VWA8: variants seen among roughly 807,000 people sequenced by gnomAD.
The protein encoded by VWA8 is von Willebrand factor A domain containing 8, also known as von Willebrand factor A domain-containing protein 8.
VWA8 carries 221 observed loss-of-function variants against 241.5 expected under a neutral mutation model. That is an observed-to-expected ratio of 0.91 (90% CI 0.82 to 1.02). The LOEUF is 1.02. Ranked by LOEUF, VWA8 falls within the 50% of genes least tolerant of loss-of-function variation. The pLI is 0.00. For missense variants in VWA8, 2,322 were observed against 2,328.7 expected (o/e 1.00, Z 0.06); for synonymous variants, 852 against 827.1 (o/e 1.03, Z -0.52).
intron 37 of VWA8, among the ~76,000 whole-genome samples, chr13:41,638,979 G>A (rs1212051786): frequency 6.6e-6 from 1 of 152,168 alleles, no homozygotes; most frequent in African/African-American, 2.4e-5. Flanking sequence ...TGGTACAGCT[G>A]CAGATGGGCT....
intron 2 of VWA8, among the ~76,000 whole-genome samples, chr13:41,928,927 C>G (rs1486440528): frequency 6.6e-6 from 1 of 151,440 alleles, no homozygotes; most frequent in Non-Finnish European, 1.5e-5. Flanking sequence ...ATAAGGGACA[C>G]AAATAAATGG....
intron 4 of VWA8, among the ~76,000 whole-genome samples, chr13:41,904,510 G>C (rs1041546133): frequency 6.6e-6 from 1 of 152,032 alleles, no homozygotes; most frequent in African/African-American, 2.4e-5. Flanking sequence ...TCTGAGTATA[G>C]AAAAGAGGCA....
In VWA8 at chr13:41,875,817, C is replaced by T. The variant is rs1873871444; in HGVS notation, c.1081-7340G>A. On this transcript the variant is annotated intron_variant, in intron 9 of 44. Transcript: ENST00000379310. ...TACAAACCATCATGACCCCGATTTT[C>T]TCTCTCCAGTACAGATCTCTCTCCT... 2.0e-5 allele frequency among the ~76,000 whole-genome samples: 3 copies of T among 151,502 alleles called. No homozygotes were observed. In the South Asian group the frequency reaches 6.2e-4, roughly 31 times the overall value.
At chr13:41,895,396 C>G (rs1014551130) in intron 4 of VWA8, among the ~76,000 whole-genome samples, 1 of 152,130 alleles carries the variant, frequency 6.6e-6, no homozygotes, top group African/African-American at 2.4e-5. Context: ...CTAGTAATCT[C>G]AGAGAGTCTG....
Position 41,673,517 on chromosome 13 carries a change from A to C in VWA8, c.4409+1698T>G, listed in dbSNP as rs529839088. Among the ~76,000 whole-genome samples, 53 of 152,330 alleles carry C rather than the reference A, an allele frequency of 3.5e-4. 1 individual carries two copies. The South Asian group carries it at 0.011, about 31-fold the overall frequency. Reference sequence around the variant, plus strand: ...CAATGAAACAGACTCTTGACACTTGAAATGTGGCAAGTCCAAATGGAGATG... The same window carrying C: ...CAATGAAACAGACTCTTGACACTTGCAATGTGGCAAGTCCAAATGGAGATG... On this transcript the variant is annotated intron_variant, in intron 36 of 44. Transcript: ENST00000379310.
At chr13:41,575,336 C>T (rs1018606662) in intron 43 of VWA8, among the ~76,000 whole-genome samples, 4 of 151,952 alleles carry the variant, frequency 2.6e-5, no homozygotes, top group Non-Finnish European at 4.4e-5. Flanking sequence ...GTGATGGGTA[C>T]ACTATCTCAA....
At chr13:41,716,249 A>G (rs1292207708) in intron 26 of VWA8, among the ~76,000 whole-genome samples, 1 of 152,056 alleles carries the variant, frequency 6.6e-6, no homozygotes, top group Non-Finnish European at 1.5e-5. Flanking sequence ...TAACCACCCA[A>G]TAAGACTCAG....
chr13:41,675,241 C>G lies in VWA8; in HGVS notation c.4383G>C (p.Lys1461Asn). Residue 1461 changes from lysine to asparagine, a missense_variant, in exon 36 of 45, where the codon AAG becomes AAC. Transcript: ENST00000379310. ...GYIEVTDLQS[K>N]KLRYIPIPRS... Reference sequence around the variant, plus strand: ...TGGGAATAGGGATATATCGGAGTTTCTTTGATTGAAGATCAGTGACTTCTA... The same window carrying G: ...TGGGAATAGGGATATATCGGAGTTTGTTTGATTGAAGATCAGTGACTTCTA... 1 of 1,612,946 alleles carries G rather than the reference C, an allele frequency of 6.2e-7. No homozygotes were observed. The highest frequency in any genetic ancestry group is 8.5e-7 in the Non-Finnish European group (1 of 1,179,310).
rs2044730604 is a variant in VWA8 at position 41,632,104 on chromosome 13, C to T, written c.4612-17020G>A. ...CAAGGAAGAAGTTAGCAAAGCATAA[C>T]AACCTTGACTACAGCAAATAGTATG... On this transcript the variant is annotated intron_variant, in intron 37 of 44. Coordinates refer to ENST00000379310, the MANE Select transcript of VWA8 (RefSeq NM_015058.2). Among the ~76,000 whole-genome samples the T allele has an allele frequency of 2.6e-5, 4 of 152,204 alleles. No homozygotes were observed. In the South Asian group the frequency reaches 8.3e-4, roughly 32 times the overall value.
Position 41,737,886 on chromosome 13 carries a change from AAAAAAAG to A in VWA8, c.2427-5738_2427-5732del, listed in dbSNP as rs957005122. On this transcript the variant is annotated intron_variant, in intron 21 of 44. Coordinates refer to ENST00000379310, the MANE Select transcript of VWA8 (RefSeq NM_015058.2). ...GTTATAAACTGTCAATGTAAAATTAAAAAAAAGAAAAAAGAAGACAAAATGAGCTATG... is the reference window on the plus strand; with the variant it reads ...GTTATAAACTGTCAATGTAAAATTAAAAAAAAGAAGACAAAATGAGCTATG... Among the ~76,000 whole-genome samples, 11 of 150,986 alleles carry A rather than the reference AAAAAAAG, an allele frequency of 7.3e-5. No homozygotes were observed. The Admixed American group carries it at 7.3e-4, about 10-fold the overall frequency.
In VWA8 at chr13:41,675,244, T is replaced by G. The variant is rs567428613; in HGVS notation, c.4380A>C (p.Ser1460=). 1 of 1,613,276 alleles carries G rather than the reference T, an allele frequency of 6.2e-7. No individual in the cohort carries two copies. Among genetic ancestry groups the G allele is most frequent in the Non-Finnish European group, 8.5e-7 (1 of 1,179,450 alleles). ...GAATAGGGATATATCGGAGTTTCTT[T>G]GATTGAAGATCAGTGACTTCTATAT... The part of the protein sequence containing the change: ...SGYIEVTDLQ[S]KKLRYIPIPR... The change falls in exon 36 of 45, where the codon TCA becomes TCC. Residue 1460 remains serine, a synonymous_variant. Coordinates refer to ENST00000379310, the MANE Select transcript of VWA8 (RefSeq NM_015058.2).
intron 19 of VWA8, among the ~76,000 whole-genome samples, chr13:41,782,893 A>G (rs900405902): frequency 6.6e-6 from 1 of 151,714 alleles, no homozygotes; most frequent in African/African-American, 2.4e-5. Flanking sequence ...CTAGATACAA[A>G]CTTATATGTC....
At chr13:41,892,441 TCCA>T (rs1874891536) in intron 4 of VWA8, among the ~76,000 whole-genome samples, 1 of 152,228 alleles carries the variant, frequency 6.6e-6, no homozygotes, top group African/African-American at 2.4e-5. Context: ...TTCATTAGTC[TCCA>T]TGGCACTGCA....
intron 2 of VWA8, among the ~76,000 whole-genome samples, chr13:41,944,180 G>C (rs1283774220): frequency 6.6e-6 from 1 of 151,372 alleles, no homozygotes; most frequent in Admixed American, 6.6e-5. Flanking sequence ...CTGGAATAGA[G>C]TAAGGACCTC....
intron 4 of VWA8, among the ~76,000 whole-genome samples, chr13:41,902,997 C>T (rs1875530599): frequency 6.6e-6 from 1 of 152,170 alleles, no homozygotes; most frequent in South Asian, 2.1e-4. Context: ...GATCACCTAA[C>T]AGTGAATAAA....
chr13:41,659,232 G>A (rs17449513), intron 37 of VWA8, among the ~76,000 whole-genome samples: 3,587 of 152,212 alleles, frequency 0.024, 61 homozygotes, highest in Middle Eastern at 0.058. Flanking sequence ...ATGTAAGAAC[G>A]TGGCTATGGG....
intron 12 of VWA8, among the ~76,000 whole-genome samples, chr13:41,856,839 A>T (rs1013137501): frequency 8.1e-5 from 6 of 74,346 alleles, no homozygotes; most frequent in Non-Finnish European, 2.3e-4. Flanking sequence ...AATGAAAATT[A>T]AAAAAAAAAA....
At chr13:41,778,373 A>C (rs1868714661) in intron 19 of VWA8, among the ~76,000 whole-genome samples, 1 of 152,196 alleles carries the variant, frequency 6.6e-6, no homozygotes, top group Admixed American at 6.5e-5. Flanking sequence ...TTAATATTTA[A>C]ATTGATACTT....
chr13:41,748,781 C>T (rs35151579), intron 21 of VWA8, among the ~76,000 whole-genome samples: 2 of 152,188 alleles, frequency 1.3e-5, no homozygotes, highest in Non-Finnish European at 2.9e-5. Context: ...TTTAATAAAT[C>T]GTGCTGGGAA....
Sources: allele counts gnomAD v4.1 joint callset (sites outside exome capture counted in the v4.1 genomes callset), GRCh38; gene constraint gnomAD v4.1.1; transcripts MANE v1.5; gene names NCBI Gene and HGNC (gene_info 2026-07-23, HGNC 2026-07-21).